BTBD10: variants seen among roughly 807,000 people sequenced by gnomAD.
The protein encoded by BTBD10 is BTB/POZ domain-containing protein 10.
Under a neutral mutation model 53.2 loss-of-function variants are expected in BTBD10, and 21 were observed. That is an observed-to-expected ratio of 0.39 (90% CI 0.28 to 0.57). BTBD10 has a LOEUF of 0.57. Among genes scored for constraint, BTBD10 ranks in the 20% least tolerant of loss-of-function variants. BTBD10 has a pLI of 0.53. For synonymous variants in BTBD10, 149 were observed against 192.7 expected, an observed-to-expected ratio of 0.77 and a Z score of 1.88; for missense variants, 360 against 594.7, an observed-to-expected ratio of 0.61 and a Z score of 4.10.
chr11:13,424,678 ATATCTAT>A (rs1162255733), intron 2 of BTBD10, among the ~76,000 whole-genome samples: 1 of 152,146 alleles, frequency 6.6e-6, no homozygotes, highest in African/African-American at 2.4e-5. Flanking sequence ...ATTAGCCCTA[ATATCTAT>A]TTCCAGCCAA....
intron 1 of BTBD10, among the ~76,000 whole-genome samples, chr11:13,456,647 A>G (rs1050441667): frequency 1.1e-4 from 17 of 152,332 alleles, no homozygotes; most frequent in Admixed American, 5.2e-4. Flanking sequence ...GAGTTCCTTA[A>G]AGAAGGAAAG....
intron 2 of BTBD10, among the ~76,000 whole-genome samples, chr11:13,428,122 A>G (rs187185218): frequency 6.6e-6 from 1 of 152,226 alleles, no homozygotes; most frequent in Non-Finnish European, 1.5e-5. Context: ...ACAAACTACC[A>G]ATGTCAGAAA....
intron 3 of BTBD10, 30 bp from the exon 4 acceptor site, chr11:13,419,775 C>T: frequency 6.7e-7 from 1 of 1,484,698 alleles, no homozygotes; most frequent in South Asian, 1.3e-5. Context: ...CGAAGTTATG[C>T]AAATTTTCTT....
chr11:13,456,834 C>T (rs1314499678), intron 1 of BTBD10, among the ~76,000 whole-genome samples: 1 of 152,158 alleles, frequency 6.6e-6, no homozygotes, highest in African/African-American at 2.4e-5. Context: ...TGTGGAGAAG[C>T]AGTCTCAATA....
At chr11:13,461,909 T>C (rs1468571493) in intron 1 of BTBD10, among the ~76,000 whole-genome samples, 8 of 151,440 alleles carry the variant, frequency 5.3e-5, no homozygotes, top group East Asian at 1.9e-4. Context: ...ATTTACATCA[T>C]CAGAAATAAT....
intron 8 of BTBD10, among the ~76,000 whole-genome samples, chr11:13,396,752 T>G (rs192912506): frequency 4.6e-5 from 7 of 152,230 alleles, no homozygotes; most frequent in African/African-American, 1.2e-4. Flanking sequence ...TAGCATGAAG[T>G]GTTGTTGAAT....
chr11:13,405,074 A>T (rs1022908167), intron 7 of BTBD10, among the ~76,000 whole-genome samples: 2 of 152,086 alleles, frequency 1.3e-5, no homozygotes, highest in African/African-American at 4.8e-5. Context: ...AATAACAAAA[A>T]AATAAGAAAA....
At chr11:13,418,971 C>CTTTTTTTTTTTTTTTTT (rs11423580) in intron 4 of BTBD10, among the ~76,000 whole-genome samples, 1 of 125,452 alleles carries the variant, frequency 8.0e-6, no homozygotes. Context: ...GTTGACATTC[C>CTTTTTTTTTTTTTTTTT]TTTTTTTTTT....
intron 8 of BTBD10, among the ~76,000 whole-genome samples, chr11:13,395,304 C>CA (rs1459867424): frequency 6.6e-6 from 1 of 152,120 alleles, no homozygotes; most frequent in Non-Finnish European, 1.5e-5. Context: ...TGATGATGAG[C>CA]TTTTTTTCAT....
At chr11:13,409,541 T>C (rs1487243861) in intron 6 of BTBD10, among the ~76,000 whole-genome samples, 2 of 152,166 alleles carry the variant, frequency 1.3e-5, no homozygotes, top group Non-Finnish European at 2.9e-5. Context: ...ATTCCATCCC[T>C]CTGCTCTAGC....
At chr11:13,444,216 CAAT>C (rs1293075332) in intron 2 of BTBD10, among the ~76,000 whole-genome samples, 2 of 148,980 alleles carry the variant, frequency 1.3e-5, no homozygotes, top group African/African-American at 2.5e-5. Context: ...TTCATTATCA[CAAT>C]ATTATGGCTT....
At chr11:13,457,383 T>C (rs1950994233) in intron 1 of BTBD10, among the ~76,000 whole-genome samples, 1 of 152,052 alleles carries the variant, frequency 6.6e-6, no homozygotes, top group South Asian at 2.1e-4. Flanking sequence ...GGAATGTGCA[T>C]CAAAAGGAGT....
intron 2 of BTBD10, among the ~76,000 whole-genome samples, chr11:13,422,283 T>C (rs965222286): frequency 1.3e-5 from 2 of 152,220 alleles, no homozygotes; most frequent in African/African-American, 4.8e-5. Flanking sequence ...GTCTACATGC[T>C]AACTTCAATC....
At chr11:13,457,911 T>C (rs763813160) in intron 1 of BTBD10, among the ~76,000 whole-genome samples, 13 of 152,168 alleles carry the variant, frequency 8.5e-5, no homozygotes, top group Non-Finnish European at 1.6e-4. Flanking sequence ...TTGCATGTAA[T>C]ACCCATTACT....
Position 13,399,950 on chromosome 11 carries a change from C to T in BTBD10, c.1117+3218G>A, listed in dbSNP as rs543497284. 2.6e-4 allele frequency among the ~76,000 whole-genome samples: 39 copies of T among 152,292 alleles called. No homozygotes were observed. In the East Asian group the frequency reaches 2.7e-3, roughly 11 times the overall value. ...TACCCGGCCGTGTGAGGTGTCAGTCCGCCCCTACTGGGGGGTGCCTCCCAG... is the reference window on the plus strand; with the variant it reads ...TACCCGGCCGTGTGAGGTGTCAGTCTGCCCCTACTGGGGGGTGCCTCCCAG... On this transcript the variant is annotated intron_variant, in intron 8 of 8. Transcript: ENST00000278174.
intron 8 of BTBD10, among the ~76,000 whole-genome samples, chr11:13,391,198 G>C (rs1487108164): frequency 1.3e-5 from 2 of 152,056 alleles, no homozygotes; most frequent in African/African-American, 4.8e-5. Context: ...TCTACTTACT[G>C]TCATCTACTA....
chr11:13,430,229 T>A (rs1157401849), intron 2 of BTBD10, among the ~76,000 whole-genome samples: 5 of 152,080 alleles, frequency 3.3e-5, no homozygotes, highest in Non-Finnish European at 7.4e-5. Context: ...CTCAAAATAA[T>A]GGGTAAAAAA....
intron 1 of BTBD10, among the ~76,000 whole-genome samples, chr11:13,455,178 G>A (rs973526576): frequency 6.6e-5 from 10 of 152,342 alleles, no homozygotes. Flanking sequence ...CTCCCAAAGT[G>A]CTGGGATTAT....
chr11:13,427,262 T>C (rs1218095337), intron 2 of BTBD10, among the ~76,000 whole-genome samples: 3 of 152,012 alleles, frequency 2.0e-5, no homozygotes. Flanking sequence ...ATATGCTATA[T>C]GGTACAAAGA....
Sources: gnomAD v4.1 joint callset for allele counts (sites outside exome capture counted in the v4.1 genomes callset) on GRCh38, gnomAD v4.1.1 for gene constraint, MANE v1.5 for transcripts, NCBI Gene and HGNC (gene_info 2026-07-23, HGNC 2026-07-21) for gene names.